The following CTNNA3 variants were observed in gnomAD, a reference collection of about 807,000 sequenced individuals.
The protein encoded by CTNNA3 is catenin alpha-3.
In CTNNA3, 76 loss-of-function variants were observed where a neutral mutation model predicts 95.7. The ratio of observed to expected loss-of-function variants is 0.79; its 90% confidence interval spans 0.66 to 0.96. CTNNA3 has a LOEUF of 0.96. CTNNA3 is among the 40% of genes least tolerant of loss of function. The pLI, the probability that CTNNA3 is intolerant of heterozygous loss-of-function variation, is 0.00. For missense variants in CTNNA3, 1,191 were observed against 1,089.8 expected (o/e 1.09, Z -1.31); for synonymous variants, 431 against 374.4 (o/e 1.15, Z -1.74).
intron 13 of CTNNA3, among the ~76,000 whole-genome samples, chr10:66,137,655 A>C (rs190972785): frequency 6.6e-6 from 1 of 152,256 alleles, no homozygotes; most frequent in Non-Finnish European, 1.5e-5. Context: ...AACAGCAAAA[A>C]TAAGTTTGTG....
chr10:66,633,524 C>CA (rs1211547936), intron 9 of CTNNA3, among the ~76,000 whole-genome samples: 23 of 151,802 alleles, frequency 1.5e-4, no homozygotes, highest in Admixed American at 2.6e-4. Flanking sequence ...ACTAAAAATA[C>CA]AAAAAATTAG....
At chr10:66,948,289 G>T (rs893687346) in intron 7 of CTNNA3, among the ~76,000 whole-genome samples, 1 of 152,138 alleles carries the variant, frequency 6.6e-6, no homozygotes, top group African/African-American at 2.4e-5. Context: ...CATGTACAAA[G>T]AAAGTTTTAA....
At chr10:67,371,296 T>G (rs1187181153) in intron 5 of CTNNA3, among the ~76,000 whole-genome samples, 5 of 151,966 alleles carry the variant, frequency 3.3e-5, no homozygotes, top group Non-Finnish European at 1.5e-5. Flanking sequence ...TTGTTACATA[T>G]GTATACATGT....
intron 5 of CTNNA3, among the ~76,000 whole-genome samples, chr10:67,288,085 G>A (rs532200510): frequency 6.6e-6 from 1 of 152,220 alleles, no homozygotes; most frequent in East Asian, 1.9e-4. Context: ...CACTGAAATT[G>A]ATTAGTCCAA....
intron 13 of CTNNA3, among the ~76,000 whole-genome samples, chr10:66,204,485 C>T (rs550331719): frequency 6.6e-6 from 1 of 152,246 alleles, no homozygotes; most frequent in East Asian, 1.9e-4. Context: ...GGTTCTGGGT[C>T]ACTTATAAGA....
At chr10:65,959,968 T>C (rs540400796) in intron 17 of CTNNA3, among the ~76,000 whole-genome samples, 2 of 152,214 alleles carry the variant, frequency 1.3e-5, no homozygotes, top group African/African-American at 4.8e-5. Context: ...TCTCTGTTCA[T>C]GATCTCAAAA....
At chr10:67,137,979 G>A (rs2132034633) in intron 7 of CTNNA3, among the ~76,000 whole-genome samples, 1 of 151,862 alleles carries the variant, frequency 6.6e-6, no homozygotes, top group South Asian at 2.1e-4. Flanking sequence ...TCAAGCTTAT[G>A]CACAAAATTG....
Position 67,613,874 on chromosome 10 carries a change from G to A in CTNNA3, c.100-6825C>T, listed in dbSNP as rs1589490376. ...ACCCAGGGGTGGAGTGGGGGTAGAC[G>A]TTTTTGTGCCCGGAGTTGGTTCCTT... On this transcript the variant is annotated intron_variant, in intron 2 of 17. Transcript: ENST00000433211. Among the ~76,000 whole-genome samples the A allele has an allele frequency of 2.0e-5, 3 of 152,234 alleles. No homozygotes were observed. The South Asian group carries it at 6.2e-4, about 32-fold the overall frequency.
chr10:67,294,791 T>C (rs955324109), intron 5 of CTNNA3, among the ~76,000 whole-genome samples: 4 of 152,216 alleles, frequency 2.6e-5, no homozygotes, highest in African/African-American at 7.2e-5. Flanking sequence ...TATTTTGTTA[T>C]ACGTGGCAGG....
At chr10:66,654,434 T>A (rs1368988978) in intron 9 of CTNNA3, among the ~76,000 whole-genome samples, 1 of 152,074 alleles carries the variant, frequency 6.6e-6, no homozygotes, top group Non-Finnish European at 1.5e-5. Context: ...ACAATGGCTA[T>A]TATCAAAAGG....
rs1448484425 is a variant in CTNNA3, at chr10:67,727,114, TATGATATA to T, written c.-2+36312_-2+36319del. On this transcript the variant is annotated intron_variant, in intron 1 of 17. Transcript: ENST00000684154. Reference sequence around the variant, plus strand: ...AATTATATATAATATATGATACATATATGATATAATTATATAATATATGATACATATAT... The same window carrying T: ...AATTATATATAATATATGATACATATATTATATAATATATGATACATATAT... Among the ~76,000 whole-genome samples the T allele has an allele frequency of 5.0e-3, 606 of 121,808 alleles. 4 individuals carry two copies. Among genetic ancestry groups the T allele is most frequent in the Middle Eastern group, 0.012 (1 of 84 alleles). The allele number at this position is 121,808 out of a possible 152,430, so 79.9% of individuals were successfully genotyped here. A position where few individuals can be genotyped will look rare whatever the true frequency, so the allele number is the denominator to read the frequency against.
chr10:67,557,139 C>T (rs564398935), intron 3 of CTNNA3, among the ~76,000 whole-genome samples: 3 of 152,202 alleles, frequency 2.0e-5, no homozygotes, highest in East Asian at 3.9e-4. Flanking sequence ...CAGAATGGAT[C>T]CCAGGCTTCA....
intron 5 of CTNNA3, among the ~76,000 whole-genome samples, chr10:67,397,768 C>G (rs1844765242): frequency 6.6e-6 from 1 of 152,220 alleles, no homozygotes; most frequent in African/African-American, 2.4e-5. Flanking sequence ...TGTATGCAGA[C>G]TTGGGACTTG....
At chr10:67,584,702 G>A (rs1842558400) in intron 3 of CTNNA3, among the ~76,000 whole-genome samples, 1 of 152,202 alleles carries the variant, frequency 6.6e-6, no homozygotes, top group Non-Finnish European at 1.5e-5. Flanking sequence ...TCCTTGAGCT[G>A]CAGTGGGCTT....
intron 7 of CTNNA3, among the ~76,000 whole-genome samples, chr10:66,859,286 G>A (rs554956006): frequency 7.3e-5 from 11 of 151,704 alleles, no homozygotes; most frequent in Admixed American, 2.0e-4. Context: ...GGCTAATATC[G>A]AGAATCTACA....
intron 11 of CTNNA3, among the ~76,000 whole-genome samples, chr10:66,399,427 C>T (rs2093003266): frequency 6.6e-6 from 1 of 151,812 alleles, no homozygotes; most frequent in Non-Finnish European, 1.5e-5. Context: ...GAATGATAAA[C>T]ATAATACTTG....
intron 15 of CTNNA3, among the ~76,000 whole-genome samples, chr10:66,043,956 C>CTGTGTGTGTGTGTGTGTGTGTGTGTG (rs59559225): frequency 1.4e-5 from 2 of 144,380 alleles, no homozygotes; most frequent in Non-Finnish European, 3.1e-5. Flanking sequence ...TAGGACTATG[C>CTGTGTGTGTGTGTGTGTGTGTGTGTG]TGTGTGTGTG....
At chr10:67,008,474 T>A (rs886166620) in intron 7 of CTNNA3, among the ~76,000 whole-genome samples, 2 of 152,194 alleles carry the variant, frequency 1.3e-5, no homozygotes, top group Non-Finnish European at 2.9e-5. Context: ...TTGTTTTGTT[T>A]TGTTTTTACA....
intron 1 of CTNNA3, among the ~76,000 whole-genome samples, chr10:67,703,927 G>A (rs1841061002): frequency 6.6e-6 from 1 of 152,188 alleles, no homozygotes. Context: ...CTTCAGCAAA[G>A]TCTCAGGATA....
Sources: gnomAD v4.1 joint callset for allele counts (sites outside exome capture counted in the v4.1 genomes callset) on GRCh38, gnomAD v4.1.1 for gene constraint, MANE v1.5 for transcripts, NCBI Gene and HGNC (gene_info 2026-07-23, HGNC 2026-07-21) for gene names.